Variants in SPATA3 observed in about 807,000 individuals in gnomAD.
SPATA3 encodes the protein spermatogenesis-associated protein 3.
SPATA3 carries 6 observed loss-of-function variants against 5.7 expected under a neutral mutation model. The ratio of observed to expected loss-of-function variants is 1.06; its 90% CI spans 0.58 to 2.09. The LOEUF is 2.09. Among genes scored for constraint, SPATA3 ranks in the 30% most tolerant of loss-of-function variants. The pLI is 0.00. For missense variants in SPATA3, 155 were observed against 130.4 expected (o/e 1.19, Z -0.92); for synonymous variants, 44 against 48.4 (o/e 0.91, Z 0.37).
intron 6 of SPATA3, among the ~76,000 whole-genome samples, chr2:231,019,006 G>C (rs1446611513): frequency 8.4e-5 from 9 of 107,370 alleles, no homozygotes; most frequent in African/African-American, 3.4e-4. Flanking sequence ...TCACTCTGTT[G>C]CCCAGGCTGG....
At chr2:231,010,520 T>A (rs867468281), downstream of SPATA3, among the ~76,000 whole-genome samples, 97 of 152,156 alleles carry the variant, frequency 6.4e-4, no homozygotes, top group African/African-American at 2.3e-3. Flanking sequence ...TGGGGGAAAA[T>A]TCAAGTAATA....
At chr2:231,000,611 G>C in intron 2 of SPATA3, 74 bp downstream of exon 2, 1 of 1,318,750 alleles carries the variant, frequency 7.6e-7, no homozygotes, top group Non-Finnish European at 9.9e-7. Context: ...GACCTTATTA[G>C]CAATCATGTA....
At chr2:231,004,628 C>A (rs1180567771), downstream of SPATA3, among the ~76,000 whole-genome samples, 1 of 152,102 alleles carries the variant, frequency 6.6e-6, no homozygotes, top group Non-Finnish European at 1.5e-5. Flanking sequence ...GACAAATGCA[C>A]CCGAGTTAAA....
downstream of SPATA3, among the ~76,000 whole-genome samples, chr2:231,008,101 A>G (rs915740228): frequency 6.6e-6 from 1 of 152,240 alleles, no homozygotes; most frequent in Admixed American, 6.5e-5. Context: ...GGGCAGCTGA[A>G]GCCTGATCCT....
chr2:231,012,269 A>T (rs906159225), downstream of SPATA3, among the ~76,000 whole-genome samples: 3 of 152,204 alleles, frequency 2.0e-5, no homozygotes, highest in Non-Finnish European at 4.4e-5. Context: ...CGGGTGTCTG[A>T]TCTCATCTGA....
At chr2:230,999,117 C>T (rs1253930933) in intron 1 of SPATA3, among the ~76,000 whole-genome samples, 1 of 152,148 alleles carries the variant, frequency 6.6e-6, no homozygotes, top group Admixed American at 6.5e-5. Flanking sequence ...CTGGATGAAC[C>T]TTATAGACAC....
chr2:231,018,940 C>A (rs1693001128), intron 6 of SPATA3, among the ~76,000 whole-genome samples: 2 of 151,598 alleles, frequency 1.3e-5, no homozygotes, highest in Admixed American at 1.3e-4. Context: ...CCCGCCTCAG[C>A]CACCGTGCCT....
downstream of SPATA3, among the ~76,000 whole-genome samples, chr2:231,006,395 C>A (rs770551327): frequency 6.7e-6 from 1 of 149,646 alleles, no homozygotes; most frequent in African/African-American, 2.5e-5. Flanking sequence ...CCCAGCTACT[C>A]GGGAGGCTGA....
chr2:231,005,312 AC>A (rs1692546042), downstream of SPATA3, among the ~76,000 whole-genome samples: 4 of 136,064 alleles, frequency 2.9e-5, no homozygotes, highest in African/African-American at 1.1e-4. Context: ...CACCATCACC[AC>A]CATCATCATC....
At chr2:231,000,499 G>A (rs1371974857) in exon 2 of SPATA3, 44 of 1,547,604 alleles carry the variant, frequency 2.8e-5, no homozygotes, top group East Asian at 9.8e-5. Flanking sequence ...GGCAGATGGC[G>A]CCAGGGAGAG....
At chr2:231,005,439 T>TCAC (rs1223116726), downstream of SPATA3, among the ~76,000 whole-genome samples, 1 of 6,176 alleles carries the variant, frequency 1.6e-4, no homozygotes, top group African/African-American at 6.5e-4. Flanking sequence ...ACCACCACAA[T>TCAC]CACCACCATC....
exon 6 of SPATA3, chr2:231,014,057 G>A (rs1239798644): frequency 6.6e-6 from 1 of 151,966 alleles, no homozygotes; most frequent in Non-Finnish European, 1.5e-5. Flanking sequence ...AACTTGCTGG[G>A]TTACATTCCT....
chr2:231,003,009 A>G (rs1692413682), downstream of SPATA3, among the ~76,000 whole-genome samples: 1 of 152,020 alleles, frequency 6.6e-6, no homozygotes, highest in African/African-American at 2.4e-5. Context: ...ACAATCATCT[A>G]AACAGAGCCC....
chr2:231,005,076 CCAT>C (rs1574663939), downstream of SPATA3, among the ~76,000 whole-genome samples: 3 of 88,330 alleles, frequency 3.4e-5, no homozygotes, highest in East Asian at 7.2e-4. Flanking sequence ...ATCACCACCA[CCAT>C]CATCACCATC....
chr2:231,004,439 C>T (rs1692462366), downstream of SPATA3, among the ~76,000 whole-genome samples: 1 of 152,088 alleles, frequency 6.6e-6, no homozygotes, highest in African/African-American at 2.4e-5. Context: ...GACTCTGCTG[C>T]CTGATAGCTG....
chr2:230,998,228 G>A (rs553153289), intron 1 of SPATA3, among the ~76,000 whole-genome samples: 2 of 152,368 alleles, frequency 1.3e-5, no homozygotes, highest in South Asian at 4.1e-4. Flanking sequence ...TGATGGAGAT[G>A]AGAGTGCTAA....
chr2:231,014,509 G>C (rs1042733470), intron 6 of SPATA3, among the ~76,000 whole-genome samples: 61 of 152,308 alleles, frequency 4.0e-4, no homozygotes, highest in African/African-American at 1.5e-3. Context: ...GGGGTCTGGA[G>C]TAAGTCTCCT....
At chr2:231,013,825 A>G (rs2125123104) in intron 5 of SPATA3, 1 of 151,950 alleles carries the variant, frequency 6.6e-6, no homozygotes, top group Non-Finnish European at 1.5e-5. Context: ...TTGGTTAGTT[A>G]ATATCAGACA....
At chr2:231,000,603 C>A in intron 2 of SPATA3, 66 bp downstream of exon 2, 1 of 1,336,980 alleles carries the variant, frequency 7.5e-7, no homozygotes, top group East Asian at 2.9e-5. Flanking sequence ...TGCCCCCAGA[C>A]CTTATTAGCA....
Sources: gnomAD v4.1 joint callset for allele counts (sites outside exome capture counted in the v4.1 genomes callset) on GRCh38, gnomAD v4.1.1 for gene constraint, MANE v1.5 for transcripts, NCBI Gene and HGNC (gene_info 2026-07-23, HGNC 2026-07-21) for gene names.